The following JAKMIP2 variants were observed in gnomAD, a reference collection of about 807,000 sequenced individuals.
JAKMIP2 encodes janus kinase and microtubule interacting protein 2.
In JAKMIP2, 25 loss-of-function variants were observed where a neutral mutation model predicts 115.0. The ratio of observed to expected loss-of-function variants is 0.22; its 90% confidence interval spans 0.16 to 0.30. JAKMIP2 has a LOEUF of 0.30. Ranked by LOEUF, JAKMIP2 falls within the 10% of genes least tolerant of loss-of-function variation. JAKMIP2 has a pLI of 1.00. For missense variants in JAKMIP2, 642 were observed against 957.6 expected, an observed-to-expected ratio of 0.67 and a Z score of 4.35; for synonymous variants, 334 against 343.6, an observed-to-expected ratio of 0.97 and a Z score of 0.31.
intron 1 of JAKMIP2, among the ~76,000 whole-genome samples, chr5:147,692,663 TGAAA>T (rs1355873700): frequency 6.6e-6 from 1 of 152,162 alleles, no homozygotes; most frequent in African/African-American, 2.4e-5. Context: ...ATTTTTTAAA[TGAAA>T]GAGAGTAAAT....
chr5:147,723,010 T>C (rs1211140349), intron 1 of JAKMIP2, among the ~76,000 whole-genome samples: 1 of 152,116 alleles, frequency 6.6e-6, no homozygotes, highest in Non-Finnish European at 1.5e-5. Flanking sequence ...TTAATTACAT[T>C]TTGAATTTCA....
intron 1 of JAKMIP2, among the ~76,000 whole-genome samples, chr5:147,768,864 G>A (rs1030473605): frequency 6.6e-5 from 10 of 152,104 alleles, no homozygotes; most frequent in African/African-American, 2.4e-4. Context: ...CACAATGTTT[G>A]TAATGTTTTA....
chr5:147,695,359 T>G (rs1450438736), intron 1 of JAKMIP2, among the ~76,000 whole-genome samples: 1 of 152,160 alleles, frequency 6.6e-6, no homozygotes, highest in Non-Finnish European at 1.5e-5. Flanking sequence ...GATCCAGACT[T>G]CCTTTTCATA....
intron 1 of JAKMIP2, among the ~76,000 whole-genome samples, chr5:147,678,407 C>T (rs1255773615): frequency 1.3e-5 from 2 of 152,146 alleles, no homozygotes; most frequent in Non-Finnish European, 1.5e-5. Context: ...TCTTTCTGTA[C>T]TTGGCTTATT....
chr5:147,641,960 TG>T (rs1387094496), intron 7 of JAKMIP2, among the ~76,000 whole-genome samples, 196 bp from the exon 8 acceptor site: 2 of 152,156 alleles, frequency 1.3e-5, no homozygotes, highest in African/African-American at 4.8e-5. Context: ...CTATTCCTGA[TG>T]AGTTATGTGG....
chr5:147,725,134 G>A (rs1249653982), intron 1 of JAKMIP2, among the ~76,000 whole-genome samples: 2 of 152,006 alleles, frequency 1.3e-5, no homozygotes, highest in Admixed American at 6.6e-5. Context: ...AGGATGCTAA[G>A]GGACACTCCC....
intron 3 of JAKMIP2, among the ~76,000 whole-genome samples, chr5:147,657,275 G>T (rs373447307): frequency 7.2e-6 from 1 of 139,434 alleles, no homozygotes; most frequent in African/African-American, 2.9e-5. Context: ...GCGAGACTCC[G>T]TCTCAAACAA....
chr5:147,672,562 T>TTATCTATC lies in JAKMIP2; in HGVS notation c.-148-616_-148-609dup, dbSNP rs55967451. Among the ~76,000 whole-genome samples the TTATCTATC allele has an allele frequency of 3.6e-3, 546 of 152,166 alleles. 1 individual carries two copies. The highest frequency in any genetic ancestry group is 5.3e-3 in the Non-Finnish European group (359 of 68,010). On this transcript the variant is annotated intron_variant, in intron 1 of 21. Transcript: ENST00000616793. ...AGTCAGCCTTCCAATGGGAAAAAATTTATCTATCTATCTATCTATCTATCA... is the reference window on the plus strand; with the variant it reads ...AGTCAGCCTTCCAATGGGAAAAAATTTATCTATCTATCTATCTATCTATCTATCTATCA...
At chr5:147,755,773 C>T (rs1312153058) in intron 1 of JAKMIP2, among the ~76,000 whole-genome samples, 1 of 152,092 alleles carries the variant, frequency 6.6e-6, no homozygotes, top group Non-Finnish European at 1.5e-5. Context: ...CCCACCTCAG[C>T]CACCGGCATA....
intron 3 of JAKMIP2, among the ~76,000 whole-genome samples, chr5:147,658,327 A>G (rs35416673): frequency 0.33 from 50,862 of 152,018 alleles, 9,545 homozygotes; most frequent in East Asian, 0.58. Context: ...TATTGCCTAG[A>G]TATCACCAGT....
intron 1 of JAKMIP2, among the ~76,000 whole-genome samples, chr5:147,762,954 C>T (rs1244664471): frequency 2.0e-5 from 3 of 152,044 alleles, no homozygotes; most frequent in East Asian, 3.9e-4. Context: ...TCCCTTTAAA[C>T]TTCTGCCAGG....
chr5:147,611,031 C>T (rs899203405), intron 20 of JAKMIP2, among the ~76,000 whole-genome samples: 6 of 152,130 alleles, frequency 3.9e-5, no homozygotes, highest in Non-Finnish European at 7.4e-5. Flanking sequence ...AATGCCCCTC[C>T]CCCCACCAAG....
intron 1 of JAKMIP2, among the ~76,000 whole-genome samples, chr5:147,695,410 T>C (rs992085374): frequency 6.6e-6 from 1 of 152,190 alleles, no homozygotes; most frequent in Admixed American, 6.5e-5. Flanking sequence ...ACTGGATTAA[T>C]GGCTTCTGTT....
At chr5:147,773,709 AT>A (rs1174024691) in intron 1 of JAKMIP2, among the ~76,000 whole-genome samples, 1 of 152,150 alleles carries the variant, frequency 6.6e-6, no homozygotes, top group East Asian at 1.9e-4. Flanking sequence ...TTAAGTGTGC[AT>A]TTGGATACTG....
chr5:147,676,062 G>C (rs542514391), intron 1 of JAKMIP2, among the ~76,000 whole-genome samples: 199 of 152,224 alleles, frequency 1.3e-3, no homozygotes, highest in Admixed American at 2.5e-3. Flanking sequence ...GACCGGGTGC[G>C]GTGGCTCACG....
chr5:147,605,574 TA>T (rs1014056144), intron 20 of JAKMIP2, among the ~76,000 whole-genome samples: 4 of 152,196 alleles, frequency 2.6e-5, no homozygotes, highest in African/African-American at 9.7e-5. Flanking sequence ...AAGTCTTTGT[TA>T]TTGTGAATAG....
At chr5:147,655,963 T>A (rs575406380) in intron 3 of JAKMIP2, among the ~76,000 whole-genome samples, 9 of 152,358 alleles carry the variant, frequency 5.9e-5, no homozygotes, top group African/African-American at 2.2e-4. Context: ...CCAGTAGTCA[T>A]TCAGGAGCAG....
chr5:147,615,301 T>G (rs190087030), intron 19 of JAKMIP2, among the ~76,000 whole-genome samples: 1 of 152,272 alleles, frequency 6.6e-6, no homozygotes, highest in East Asian at 1.9e-4. Flanking sequence ...GATCTTAAAC[T>G]GGGACTGGAA....
chr5:147,668,843 C>T, intron 2 of JAKMIP2, among the ~76,000 whole-genome samples: 1 of 152,202 alleles, frequency 6.6e-6, no homozygotes, highest in South Asian at 2.1e-4. Flanking sequence ...GCAGCTGGGA[C>T]TCTGGCAGGA....
Sources: gnomAD v4.1 joint callset for allele counts (sites outside exome capture counted in the v4.1 genomes callset) on GRCh38, gnomAD v4.1.1 for gene constraint, MANE v1.5 for transcripts, NCBI Gene and HGNC (gene_info 2026-07-23, HGNC 2026-07-21) for gene names.